Variants in CCDC63 observed in about 807,000 individuals in gnomAD.
The protein encoded by CCDC63 is coiled-coil domain containing 63.
Under a neutral mutation model 63.6 loss-of-function variants are expected in CCDC63, and 54 were observed. The observed-to-expected ratio is 0.85, with a 90% confidence interval of 0.68 to 1.07. CCDC63 has a LOEUF of 1.07. Among genes scored for constraint, CCDC63 ranks in the 50% least tolerant of loss-of-function variants. CCDC63 has a pLI of 0.00. For synonymous variants in CCDC63, 253 were observed against 266.1 expected (o/e 0.95, Z 0.48); for missense variants, 637 against 689.6 (o/e 0.92, Z 0.86).
intron 8 of CCDC63, among the ~76,000 whole-genome samples, chr12:110,890,286 G>A (rs187885294): frequency 1.3e-4 from 20 of 151,098 alleles, no homozygotes; most frequent in Non-Finnish European, 2.7e-4. Context: ...CTGGGCAAGA[G>A]AGCAAGACCC....
chr12:110,885,449 T>A (rs2136707658), intron 8 of CCDC63, among the ~76,000 whole-genome samples: 1 of 152,346 alleles, frequency 6.6e-6, no homozygotes, highest in East Asian at 1.9e-4. Flanking sequence ...TTTGGAACTG[T>A]CTGCATGGAA....
rs2071600636 is a variant in CCDC63, at chr12:110,907,270, G to C, written c.1547-61G>C. The stretch of plus-strand genomic sequence containing the variant: ...GTGCTATGGAGGGACGCCAAACCAG[G>C]CTTAGCCCCAGCCCTGGGGTTGATT... On this transcript the variant is annotated intron_variant, in intron 11 of 11. Coordinates refer to ENST00000308208, the MANE Select transcript of CCDC63 (RefSeq NM_152591.3). This position sits in a 1 kb window ranked among gnomAD's most constrained non-coding sequence, Gnocchi z 4.4. 3 of 1,568,196 alleles carry C rather than the reference G, an allele frequency of 1.9e-6. No individual in the cohort carries two copies. Among genetic ancestry groups the C allele is most frequent in the South Asian group, 1.2e-5 (1 of 84,566 alleles).
chr12:110,854,765 T>C (rs1694676423), intron 3 of CCDC63, among the ~76,000 whole-genome samples: 1 of 152,222 alleles, frequency 6.6e-6, no homozygotes, highest in Non-Finnish European at 1.5e-5. Flanking sequence ...TACTGTTAGA[T>C]GAGAAGTTCA....
chr12:110,903,295 G>A (rs1439050890), intron 10 of CCDC63, among the ~76,000 whole-genome samples: 2 of 152,218 alleles, frequency 1.3e-5, no homozygotes, highest in Admixed American at 1.3e-4. Flanking sequence ...GAGCCATTGT[G>A]CCCGGCCTGG....
chr12:110,845,503 C>T (rs2070627684), upstream of CCDC63: 1 of 152,184 alleles, frequency 6.6e-6, no homozygotes, highest in Non-Finnish European at 1.5e-5. Flanking sequence ...GTATCCAAAA[C>T]ACTTCATATG....
At chr12:110,905,728 C>T (rs1299873822) in intron 11 of CCDC63, among the ~76,000 whole-genome samples, 1 of 148,924 alleles carries the variant, frequency 6.7e-6, no homozygotes, top group African/African-American at 2.5e-5. Flanking sequence ...GCACAATTGT[C>T]TGGGCATCCT....
At position 110,899,049 on chromosome 12, in the gene CCDC63, CTG is replaced by C. The variant is rs1351584614; in HGVS notation, c.1269_1270del (p.Cys423Ter). On this transcript the variant is annotated frameshift_variant, in exon 10 of 12. Transcript: ENST00000308208. LOFTEE classifies it high-confidence loss of function. ...SVEKLFKKIN[C>X]DATKILVQLG... The stretch of plus-strand genomic sequence containing the variant: ...TGGAGAAACTGTTCAAGAAGATAAA[CTG>C]TGACGCCACCAAGATCCTGGTGCAG... The C allele has an allele frequency of 4.3e-6, 7 of 1,613,682 alleles. No individual in the cohort carries two copies. In the East Asian group the frequency reaches 1.6e-4, roughly 36 times the overall value.
In CCDC63 at chr12:110,899,086, A is replaced by G. The variant is rs764114385; in HGVS notation, c.1303A>G (p.Thr435Ala). ...CAAGATCCTGGTGCAGTTAGGGGAG[A>G]CGGGGAAAGTCACTGACATCAACCT... ...ATKILVQLGE[T>A]GKVTDINLPQ... Residue 435 changes from threonine to alanine, a missense_variant, in exon 10 of 12, where the codon ACG becomes GCG. Coordinates refer to ENST00000308208, the MANE Select transcript of CCDC63 (RefSeq NM_152591.3). The G allele has an allele frequency of 9.2e-5, 148 of 1,613,148 alleles. No individual in the cohort carries two copies. The highest frequency in any genetic ancestry group is 1.2e-4 in the Non-Finnish European group (144 of 1,179,592).
intron 4 of CCDC63, among the ~76,000 whole-genome samples, chr12:110,865,397 C>A (rs868396932): frequency 2.1e-5 from 3 of 141,102 alleles, no homozygotes; most frequent in Non-Finnish European, 3.0e-5. Flanking sequence ...AAGGCTGTGG[C>A]CCATTTATTG....
At chr12:110,888,957 A>C (rs1052071329) in intron 8 of CCDC63, among the ~76,000 whole-genome samples, 1 of 151,564 alleles carries the variant, frequency 6.6e-6, no homozygotes, top group Non-Finnish European at 1.5e-5. Context: ...CTCCAGCCTC[A>C]ATCTCCCTGG....
At chr12:110,860,981 C>T (rs1762971098) in intron 4 of CCDC63, among the ~76,000 whole-genome samples, 1 of 152,130 alleles carries the variant, frequency 6.6e-6, no homozygotes, top group Admixed American at 6.5e-5. Context: ...CTGGGGAGGC[C>T]TCAGGAAACT....
intron 9 of CCDC63, among the ~76,000 whole-genome samples, chr12:110,895,888 A>G (rs1198464376): frequency 1.3e-5 from 2 of 152,208 alleles, no homozygotes; most frequent in Non-Finnish European, 2.9e-5. Flanking sequence ...AGTTGAGCTC[A>G]AGGTCAAGCC....
At chr12:110,892,420 TAAAA>T (rs1566136647) in intron 8 of CCDC63, among the ~76,000 whole-genome samples, 1 of 150,326 alleles carries the variant, frequency 6.7e-6, no homozygotes, top group Non-Finnish European at 1.5e-5. Flanking sequence ...TCTATAAAAA[TAAAA>T]AAAGAAAAAA....
chr12:110,893,026 G>C, intron 8 of CCDC63, 50 bp from the exon 9 acceptor site: 4 of 1,447,524 alleles, frequency 2.8e-6, no homozygotes, highest in Non-Finnish European at 3.9e-6. Context: ...TGGGAGCAGT[G>C]GGGAGGGAAG....
chr12:110,884,247 C>T lies in CCDC63; in HGVS notation c.1071C>T (p.Ile357=), dbSNP rs145868864. Residue 357 remains isoleucine (I), a synonymous_variant, in exon 8 of 12, where the codon ATC becomes ATT. Coordinates refer to ENST00000308208, the MANE Select transcript of CCDC63 (RefSeq NM_152591.3). The part of the protein sequence containing the change: ...MEMMHKRTQR[I]QDEIILLRSQ... ...TGATGCACAAGAGGACCCAACGAAT[C>T]CAGGTCAGGGCGGCTCTGCTTTCCC... 7.6e-5 allele frequency: 122 copies of T among 1,613,572 alleles called. No individual in the cohort carries two copies. The highest frequency in any genetic ancestry group is 9.3e-5 in the Non-Finnish European group (110 of 1,179,678).
chr12:110,888,862 G>A (rs11065747), intron 8 of CCDC63, among the ~76,000 whole-genome samples: 2 of 73,000 alleles, frequency 2.7e-5, no homozygotes, highest in Admixed American at 1.8e-4. Flanking sequence ...TCCTTCCTTC[G>A]TTTTTCTTTC....
intron 4 of CCDC63, among the ~76,000 whole-genome samples, chr12:110,863,672 T>C (rs968493597): frequency 1.3e-5 from 2 of 151,860 alleles, no homozygotes; most frequent in African/African-American, 4.8e-5. Flanking sequence ...TCCCTAGTAG[T>C]TGGGATTACA....
In CCDC63 at chr12:110,868,749, GAGGGGA is replaced by G. The variant is rs1230660488; in HGVS notation, c.370-5087_370-5082del. The stretch of plus-strand genomic sequence containing the variant: ...GGAGAGGGAGGGAGAGGGAGAGGGG[GAGGGGA>G]AGGGGGAGGGGGAGGGAGAGGGAGA... On this transcript the variant is annotated intron_variant, in intron 4 of 11. Coordinates refer to ENST00000308208, the MANE Select transcript of CCDC63 (RefSeq NM_152591.3). Among the ~76,000 whole-genome samples, 566 of 104,958 alleles carry G rather than the reference GAGGGGA, an allele frequency of 5.4e-3. 6 individuals are homozygous for G. Among genetic ancestry groups the G allele is most frequent in the Non-Finnish European group, 5.9e-3 (298 of 50,268 alleles). 68.9% of individuals were successfully genotyped at this position (104,958 alleles called of 152,430 possible).
At chr12:110,883,985 G>T in intron 7 of CCDC63, 45 bp from the exon 8 acceptor site, 1 of 1,462,464 alleles carries the variant, frequency 6.8e-7, no homozygotes, top group Non-Finnish European at 9.6e-7. Flanking sequence ...CGGATCTGAG[G>T]AGCTTCCTTT....
Sources: allele counts gnomAD v4.1 joint callset (sites outside exome capture counted in the v4.1 genomes callset), GRCh38; gene constraint gnomAD v4.1.1; non-coding constraint Gnocchi (gnomAD v3.1); transcripts MANE v1.5; gene names NCBI Gene and HGNC (gene_info 2026-07-23, HGNC 2026-07-21).